UBE3A: variants seen among roughly 807,000 people sequenced by gnomAD.
UBE3A encodes ubiquitin protein ligase E3A, also known as ubiquitin-protein ligase E3A.
UBE3A carries 6 observed loss-of-function variants against 83.4 expected under a neutral mutation model. The ratio of observed to expected loss-of-function variants is 0.07; its 90% CI spans 0.04 to 0.14. UBE3A has a LOEUF of 0.14. Among genes scored for constraint, UBE3A ranks in the 10% least tolerant of loss-of-function variants. The pLI is 1.00. For synonymous variants in UBE3A, 337 were observed against 355.4 expected (o/e 0.95, Z 0.58); for missense variants, 456 against 1,036.1 (o/e 0.44, Z 7.69).
chr15:25,426,285 C>G (rs1366818872), intron 1 of UBE3A, among the ~76,000 whole-genome samples: 1 of 152,304 alleles, frequency 6.6e-6, no homozygotes, highest in East Asian at 1.9e-4. Flanking sequence ...AGCATTCCTA[C>G]TGGTCAACAA....
Position 25,375,513 on chromosome 15 carries a change from A to G in UBE3A, c.313T>C (p.Cys105Arg). 4 of 1,614,166 alleles carry G rather than the reference A, an allele frequency of 2.5e-6. No individual in the cohort carries two copies. Among genetic ancestry groups the G allele is most frequent in the Non-Finnish European group, 3.4e-6 (4 of 1,180,028 alleles). ...TTCTTGTTCATTTTTATCTCAGAGC[A>G]GGAGTTGTTGGGGGCACCTTTCGAG... ...ENSKGAPNNS[C>R]SEIKMNKKGA... Residue 105 changes from cysteine (C) to arginine (R), a missense_variant, in exon 5 of 13, where the codon TGC (cysteine) becomes CGC (arginine). Around this residue, in one of 13 missense-constraint regions of UBE3A, gnomAD observed 36 missense variants for 28.5 expected, o/e 1.26. Transcript: ENST00000648336.
intron 1 of UBE3A, among the ~76,000 whole-genome samples, chr15:25,431,993 A>T (rs1272760542): frequency 6.6e-6 from 1 of 152,194 alleles, no homozygotes; most frequent in Non-Finnish European, 1.5e-5. Flanking sequence ...TATATAGAAA[A>T]CACTGCTGTG....
intron 11 of UBE3A, among the ~76,000 whole-genome samples, chr15:25,348,444 A>G (rs1004492889): frequency 5.3e-5 from 8 of 152,172 alleles, no homozygotes; most frequent in African/African-American, 1.9e-4. Flanking sequence ...CAATAAAATG[A>G]GGAATAAAGT....
At chr15:25,373,669 G>T (rs1242431709) in intron 5 of UBE3A, 1 of 152,020 alleles carries the variant, frequency 6.6e-6, no homozygotes, top group Non-Finnish European at 1.5e-5. Flanking sequence ...AGTAGAGAGG[G>T]GGTTTCACCA....
intron 2 of UBE3A, among the ~76,000 whole-genome samples, 181 bp downstream of exon 2, chr15:25,411,727 T>C (rs924725965): frequency 6.6e-6 from 1 of 152,198 alleles, no homozygotes; most frequent in African/African-American, 2.4e-5. Flanking sequence ...CACTAATCTC[T>C]TGTAAATTTT....
chr15:25,380,348 G>C (rs759806392), intron 4 of UBE3A, among the ~76,000 whole-genome samples: 4 of 151,860 alleles, frequency 2.6e-5, no homozygotes, highest in Non-Finnish European at 5.9e-5. Context: ...TGGCAGAGTT[G>C]AGTACTTTAG....
chr15:25,425,498 AT>A (rs905541403), intron 1 of UBE3A, among the ~76,000 whole-genome samples: 3 of 151,994 alleles, frequency 2.0e-5, no homozygotes, highest in African/African-American at 4.8e-5. Context: ...GTTTGGTAGG[AT>A]TTTTTTTAAA....
rs1435332413 is a variant in UBE3A at position 25,334,082 on chromosome 15, A to T, written c.*5055T>A. 3 of 152,258 alleles carry T rather than the reference A, an allele frequency of 2.0e-5. No individual in the cohort carries two copies. Among genetic ancestry groups the T allele is most frequent in the Admixed American group, 1.3e-4 (2 of 15,294 alleles). 9.4% of individuals were successfully genotyped at this position (152,258 alleles called of 1,614,324 possible). A position where few individuals can be genotyped will look rare whatever the true frequency, so the allele number is the denominator to read the frequency against. ...TCACTTCTATCCAATATTGTACTGG[A>T]GGTGCTAGCCAGCACACTAAGGCAA... On this transcript the variant is annotated 3_prime_UTR_variant, in exon 13 of 13. Transcript: ENST00000648336.
At chr15:25,365,427 C>T (rs1460474668) in intron 6 of UBE3A, among the ~76,000 whole-genome samples, 1 of 151,990 alleles carries the variant, frequency 6.6e-6, no homozygotes, top group African/African-American at 2.4e-5. Context: ...ACCTCTAATA[C>T]TTAAGAATGC....
rs769608138 is a variant in UBE3A at position 25,370,733 on chromosome 15, A to G, written c.1441T>C (p.Leu481=). The G allele has an allele frequency of 1.2e-6, 2 of 1,614,166 alleles. No homozygotes were observed. Among genetic ancestry groups the G allele is most frequent in the South Asian group, 1.1e-5 (1 of 91,078 alleles). ...KFSFMTCPFI[L]NAVTKNLGLY... is the part of the protein sequence containing the mutation. ...CCCAAATTCTTTGTGACAGCATTCA[A>G]TATAAAGGGACATGTCATAAAAGAG... The change falls in exon 6 of 13, where the codon TTG becomes CTG. Residue 481 remains leucine, a synonymous_variant. Transcript: ENST00000648336. This position sits in a 1 kb window ranked among gnomAD's most constrained non-coding sequence, Gnocchi z 4.2.
chr15:25,366,946 T>C (rs1287147902), intron 6 of UBE3A, among the ~76,000 whole-genome samples: 1 of 151,884 alleles, frequency 6.6e-6, no homozygotes, highest in African/African-American at 2.4e-5. Flanking sequence ...GGATTTTATT[T>C]ATTTATTTAT....
At chr15:25,362,945 T>C (rs1166523447) in intron 6 of UBE3A, among the ~76,000 whole-genome samples, 2 of 152,174 alleles carry the variant, frequency 1.3e-5, no homozygotes, top group African/African-American at 4.8e-5. Context: ...TTCTACAGCT[T>C]TTCCCCACTA....
chr15:25,349,854 C>T (rs1430841141), intron 11 of UBE3A, among the ~76,000 whole-genome samples: 1 of 152,016 alleles, frequency 6.6e-6, no homozygotes, highest in Non-Finnish European at 1.5e-5. Flanking sequence ...AACCAGTAGA[C>T]TAAAAGTGGT....
At chr15:25,412,655 C>T (rs572514245) in intron 1 of UBE3A, among the ~76,000 whole-genome samples, 21 of 151,920 alleles carry the variant, frequency 1.4e-4, no homozygotes, top group African/African-American at 4.6e-4. Flanking sequence ...TCAGAACATT[C>T]CTCAATGGAA....
At chr15:25,437,153 CATT>C (rs1199984088) in intron 1 of UBE3A, among the ~76,000 whole-genome samples, 2 of 152,106 alleles carry the variant, frequency 1.3e-5, no homozygotes, top group Non-Finnish European at 2.9e-5. Context: ...TCAGTAGCAT[CATT>C]AATAATGTAT....
chr15:25,343,411 G>A (rs560363925), intron 11 of UBE3A, among the ~76,000 whole-genome samples: 1 of 152,024 alleles, frequency 6.6e-6, no homozygotes, highest in Non-Finnish European at 1.5e-5. Context: ...AGAAAGAAAT[G>A]AGCACATCTT....
In UBE3A at chr15:25,390,757, C is replaced by T. The variant is rs552050029; in HGVS notation, c.62+14704G>A. Among the ~76,000 whole-genome samples the T allele has an allele frequency of 1.1e-3, 167 of 152,088 alleles. 5 individuals are homozygous for T. The South Asian group carries it at 0.031, about 28-fold the overall frequency. ...CAGAACGTACAGCACTAAGAATGAT[C>T]CCTAATATAAACTACGGACTTTGGG... is the stretch of plus-strand genomic sequence containing the variant. On this transcript the variant is annotated intron_variant, in intron 4 of 12. Transcript: ENST00000648336.
chr15:25,432,087 G>T (rs1245888029), intron 1 of UBE3A, among the ~76,000 whole-genome samples: 1 of 152,166 alleles, frequency 6.6e-6, no homozygotes, highest in Non-Finnish European at 1.5e-5. Flanking sequence ...AAGTACGAAA[G>T]GAAGAAATTC....
chr15:25,380,190 T>A (rs12903288), intron 4 of UBE3A, among the ~76,000 whole-genome samples: 18,104 of 152,158 alleles, frequency 0.12, 1,157 homozygotes, highest in Middle Eastern at 0.23. Context: ...CCTTTCGCCA[T>A]GATTCTGAAG....
Sources: gnomAD v4.1 joint callset for allele counts (sites outside exome capture counted in the v4.1 genomes callset) on GRCh38, gnomAD v4.1.1 for gene constraint, gnomAD v4.1.1 regional missense constraint, Gnocchi (gnomAD v3.1) non-coding constraint, MANE v1.5 for transcripts, NCBI Gene and HGNC (gene_info 2026-07-23, HGNC 2026-07-21) for gene names.